The following NSL1 variants were observed in gnomAD, a reference collection of about 807,000 sequenced individuals.
NSL1 encodes the protein kinetochore-associated protein NSL1 homolog.
NSL1 carries 11 observed loss-of-function variants against 25.4 expected under a neutral mutation model. The ratio of observed to expected loss-of-function variants is 0.43; its 90% CI spans 0.27 to 0.72. NSL1 has a LOEUF of 0.72. NSL1 is among the 30% of genes least tolerant of loss of function. NSL1 has a pLI of 0.19. For missense variants in NSL1, 330 were observed against 342.7 expected (o/e 0.96, Z 0.29); for synonymous variants, 118 against 120.6 (o/e 0.98, Z 0.14).
chr1:212,785,718 A>G (rs1290316582), intron 2 of NSL1, among the ~76,000 whole-genome samples: 4 of 152,208 alleles, frequency 2.6e-5, no homozygotes, highest in Non-Finnish European at 4.4e-5. Context: ...TTAAAGAGTA[A>G]AAATACTAAG....
intron 4 of NSL1, among the ~76,000 whole-genome samples, chr1:212,745,205 C>CATATATATAT (rs1658731577): frequency 4.2e-5 from 3 of 72,186 alleles, no homozygotes; most frequent in African/African-American, 2.9e-4. Flanking sequence ...TATATATATG[C>CATATATATAT]ATATGCATAT....
At chr1:212,778,544 G>GCGCGCCGC (rs1304894436) in intron 4 of NSL1, among the ~76,000 whole-genome samples, 1 of 149,020 alleles carries the variant, frequency 6.7e-6, no homozygotes, top group Non-Finnish European at 1.5e-5. Flanking sequence ...GATTGCAGGC[G>GCGCGCCGC]CGCGCCGCCA....
chr1:212,737,985 T>G lies in NSL1; in HGVS notation c.*423A>C. The G allele has an allele frequency of 2.0e-6, 2 of 988,070 alleles. No individual in the cohort carries two copies. Among genetic ancestry groups the G allele is most frequent in the Non-Finnish European group, 2.4e-6 (2 of 831,814 alleles). The allele number at this position is 988,070 out of a possible 1,614,324, so 61.2% of individuals were successfully genotyped here. ...TGCTGTGCAGAACTGATAATTACTT[T>G]TCAGCATGTAAACGAAAAATCATTA... On this transcript the variant is annotated 3_prime_UTR_variant, in exon 6 of 6. Coordinates refer to ENST00000366977, the MANE Select transcript of NSL1 (RefSeq NM_015471.4).
chr1:212,756,188 T>C (rs111612146), intron 4 of NSL1, among the ~76,000 whole-genome samples: 2,298 of 152,240 alleles, frequency 0.015, 62 homozygotes, highest in African/African-American at 0.053. Context: ...GGCAGGACCA[T>C]AGCTCACTGC....
At chr1:212,776,568 T>G (rs901883977) in intron 4 of NSL1, among the ~76,000 whole-genome samples, 4 of 150,120 alleles carry the variant, frequency 2.7e-5, no homozygotes, top group African/African-American at 9.8e-5. Flanking sequence ...AAAATAAAAA[T>G]TAAAATTAAA....
chr1:212,726,927 T>G lies in NSL1; in HGVS notation c.*11481A>C, dbSNP rs1050793756. On this transcript the variant is annotated 3_prime_UTR_variant, in exon 6 of 6. Transcript: ENST00000366977. ...TGATGGACACCAGCACAGCACGGAC[T>G]TTCCCGTCCTGTCTCTTCATGGTGG... 2.8e-5 allele frequency: 13 copies of G among 461,592 alleles called. No homozygotes were observed. The highest frequency in any genetic ancestry group is 4.1e-5 in the Non-Finnish European group (11 of 266,700). 28.6% of individuals were successfully genotyped at this position (461,592 alleles called of 1,614,324 possible).
At position 212,735,350 on chromosome 1, in the gene NSL1, T is replaced by G. The variant is rs1470470398; in HGVS notation, c.*3058A>C. ...TGTATGTGTTGAACAGATGAATAAA[T>G]GAATGAAGGTGGATAGAGAAGATAG... On this transcript the variant is annotated 3_prime_UTR_variant, in exon 6 of 6. Coordinates refer to ENST00000366977, the MANE Select transcript of NSL1 (RefSeq NM_015471.4). 1.0e-6 allele frequency: 1 copy of G among 985,272 alleles called. No individual in the cohort carries two copies. 61.0% of individuals were successfully genotyped at this position (985,272 alleles called of 1,614,324 possible).
intron 4 of NSL1, among the ~76,000 whole-genome samples, chr1:212,766,533 T>A (rs1489275337): frequency 6.6e-6 from 1 of 151,130 alleles, no homozygotes; most frequent in Non-Finnish European, 1.5e-5. Context: ...TAGTCCCAGC[T>A]CCTTGGGAGG....
intron 4 of NSL1, among the ~76,000 whole-genome samples, chr1:212,775,629 C>A (rs1660326465): frequency 6.6e-6 from 1 of 150,692 alleles, no homozygotes; most frequent in Non-Finnish European, 1.5e-5. Context: ...AAACTCAATA[C>A]CAAGGATGAA....
chr1:212,782,297 T>G (rs565896553), intron 4 of NSL1, 75 bp downstream of exon 4: 7 of 1,030,910 alleles, frequency 6.8e-6, no homozygotes, highest in African/African-American at 6.3e-5. Flanking sequence ...TGCTGACCCT[T>G]TTAGAAGAAT....
At chr1:212,747,264 T>C (rs1658842535) in intron 4 of NSL1, among the ~76,000 whole-genome samples, 1 of 152,064 alleles carries the variant, frequency 6.6e-6, no homozygotes, top group Non-Finnish European at 1.5e-5. Flanking sequence ...TAATAGCAAA[T>C]CACTTCCAAG....
intron 4 of NSL1, among the ~76,000 whole-genome samples, chr1:212,750,071 C>G (rs1658994423): frequency 6.6e-6 from 1 of 151,550 alleles, no homozygotes; most frequent in Non-Finnish European, 1.5e-5. Flanking sequence ...CATTTAGCTT[C>G]CAGAACTCCC....
At position 212,729,894 on chromosome 1, in the gene NSL1, G is replaced by A; in HGVS notation, c.*8514C>T. Reference sequence around the variant, plus strand: ...GTGACCCAGGCAGCAAGGACCCTGAGGGGGCAGGTAACCAGAAGCTGCCTT... The same window carrying A: ...GTGACCCAGGCAGCAAGGACCCTGAAGGGGCAGGTAACCAGAAGCTGCCTT... On this transcript the variant is annotated 3_prime_UTR_variant, in exon 6 of 6. Transcript: ENST00000366977. 3.0e-6 allele frequency: 3 copies of A among 985,384 alleles called. No individual in the cohort carries two copies. Among genetic ancestry groups the A allele is most frequent in the Non-Finnish European group, 3.6e-6 (3 of 829,924 alleles). The allele number at this position is 985,384 out of a possible 1,614,324, so 61.0% of individuals were successfully genotyped here.
chr1:212,765,508 G>A (rs1262974461), intron 4 of NSL1, among the ~76,000 whole-genome samples: 1 of 152,144 alleles, frequency 6.6e-6, no homozygotes, highest in African/African-American at 2.4e-5. Flanking sequence ...CAACAGAGAT[G>A]GAAAAAGCAT....
intron 4 of NSL1, among the ~76,000 whole-genome samples, chr1:212,757,760 T>C (rs1252563027): frequency 6.6e-6 from 1 of 152,172 alleles, no homozygotes; most frequent in Admixed American, 6.5e-5. Flanking sequence ...ACTAGGTCCA[T>C]CTACAACATT....
At chr1:212,749,339 G>GTTTTTTTTT (rs10717383) in intron 4 of NSL1, among the ~76,000 whole-genome samples, 114 of 76,854 alleles carry the variant, frequency 1.5e-3, no homozygotes, top group Non-Finnish European at 2.1e-3. Context: ...GTTTTATTGT[G>GTTTTTTTTT]TTTTTTTTTT....
intron 4 of NSL1, among the ~76,000 whole-genome samples, chr1:212,761,699 C>T (rs1490211924): frequency 6.6e-6 from 1 of 151,972 alleles, no homozygotes; most frequent in Non-Finnish European, 1.5e-5. Context: ...TAAAGAAGCT[C>T]AGTGAGATCC....
chr1:212,790,145 C>A (rs1208467915), intron 1 of NSL1, among the ~76,000 whole-genome samples: 1 of 152,110 alleles, frequency 6.6e-6, no homozygotes, highest in African/African-American at 2.4e-5. Context: ...TCCCGAGTAG[C>A]TGGGACTACA....
intron 4 of NSL1, among the ~76,000 whole-genome samples, chr1:212,755,641 A>G (rs528793678): frequency 4.6e-5 from 7 of 152,090 alleles, no homozygotes; most frequent in Non-Finnish European, 8.8e-5. Context: ...GCATTGATAA[A>G]GATCTAAAAT....
Sources: allele counts gnomAD v4.1 joint callset (sites outside exome capture counted in the v4.1 genomes callset), GRCh38; gene constraint gnomAD v4.1.1; transcripts MANE v1.5; gene names NCBI Gene and HGNC (gene_info 2026-07-23, HGNC 2026-07-21).